The following CRYL1 variants were observed in gnomAD, a reference collection of about 807,000 sequenced individuals.
The protein encoded by CRYL1 is crystallin lambda 1.
In CRYL1, 29 loss-of-function variants were observed where a neutral mutation model predicts 36.6. That is an observed-to-expected ratio of 0.79 (90% confidence interval 0.59 to 1.08). CRYL1 has a LOEUF of 1.08. Among genes scored for constraint, CRYL1 ranks in the 50% least tolerant of loss-of-function variants. The pLI is 0.00. For synonymous variants in CRYL1, 152 were observed against 151.5 expected (o/e 1.00, Z -0.02); for missense variants, 411 against 407.9 (o/e 1.01, Z -0.06).
intron 2 of CRYL1, among the ~76,000 whole-genome samples, chr13:20,498,817 A>C (rs572891929): frequency 6.6e-6 from 1 of 152,352 alleles, no homozygotes; most frequent in South Asian, 2.1e-4. Context: ...GTCTCCTATC[A>C]AAGAGAAAAT....
chr13:20,426,611 G>A, intron 5 of CRYL1: 1 of 776,104 alleles, frequency 1.3e-6, no homozygotes, highest in Non-Finnish European at 1.6e-6. Context: ...GAGACACACA[G>A]AGACACATAC....
At chr13:20,472,474 C>T (rs1593468810) in intron 3 of CRYL1, among the ~76,000 whole-genome samples, 1 of 152,200 alleles carries the variant, frequency 6.6e-6, no homozygotes, top group Non-Finnish European at 1.5e-5. Context: ...GCATCGTAGC[C>T]ATTTCCTCCT....
intron 5 of CRYL1, 81 bp downstream of exon 5, chr13:20,432,021 A>G (rs1380359318): frequency 6.2e-7 from 1 of 1,607,008 alleles, no homozygotes; most frequent in Non-Finnish European, 8.5e-7. Context: ...AACAACTTTC[A>G]CTGTCCTGCT....
At chr13:20,519,717 C>T (rs1316763409) in intron 1 of CRYL1, among the ~76,000 whole-genome samples, 8 of 152,046 alleles carry the variant, frequency 5.3e-5, no homozygotes, top group Admixed American at 1.3e-4. Flanking sequence ...AAAAATTTTA[C>T]AAAACCAGAG....
At chr13:20,455,588 T>C (rs1406595366) in intron 3 of CRYL1, among the ~76,000 whole-genome samples, 2 of 152,012 alleles carry the variant, frequency 1.3e-5, no homozygotes, top group African/African-American at 4.8e-5. Context: ...AAACTCAAGC[T>C]ATACCATAAT....
At chr13:20,456,479 CA>C (rs71074301) in intron 3 of CRYL1, among the ~76,000 whole-genome samples, 34,126 of 98,756 alleles carry the variant, frequency 0.35, 3,891 homozygotes, top group Admixed American at 0.4. Flanking sequence ...CGTCTCAAAA[CA>C]AAAAAAAAAA....
intron 5 of CRYL1, among the ~76,000 whole-genome samples, chr13:20,426,445 C>G (rs111534737): frequency 0.014 from 2,066 of 152,202 alleles, 45 homozygotes; most frequent in African/African-American, 0.047. Context: ...TTTGGTATAA[C>G]CAGAGGTATT....
intron 3 of CRYL1, among the ~76,000 whole-genome samples, chr13:20,449,875 A>G (rs1163630721): frequency 6.6e-6 from 1 of 152,202 alleles, no homozygotes; most frequent in Non-Finnish European, 1.5e-5. Flanking sequence ...ATCTAGGAAT[A>G]CTTCTAACCA....
chr13:20,452,982 CA>C (rs1271987254), intron 3 of CRYL1, among the ~76,000 whole-genome samples: 1 of 152,046 alleles, frequency 6.6e-6, no homozygotes, highest in African/African-American at 2.4e-5. Flanking sequence ...AATGTAAAAA[CA>C]GAATTGAAAG....
intron 3 of CRYL1, 81 bp from the exon 4 acceptor site, chr13:20,439,835 CT>C: frequency 7.6e-7 from 1 of 1,317,254 alleles, no homozygotes; most frequent in African/African-American, 1.5e-5. Context: ...TGTTTCATTC[CT>C]CAAATGAACC....
At chr13:20,510,809 C>A (rs974329088) in intron 2 of CRYL1, among the ~76,000 whole-genome samples, 1 of 151,882 alleles carries the variant, frequency 6.6e-6, no homozygotes, top group Admixed American at 6.6e-5. Context: ...GATAGAGTTT[C>A]ACCATGTTGC....
chr13:20,476,436 A>C (rs7989332), intron 3 of CRYL1, among the ~76,000 whole-genome samples: 114,357 of 151,866 alleles, frequency 0.75, 43,306 homozygotes, highest in African/African-American at 0.81. Context: ...AACCAGACCC[A>C]TAAGAGGTGA....
In CRYL1 at chr13:20,525,033, T is replaced by C. The variant is rs556779631; in HGVS notation, c.41+721A>G. On this transcript the variant is annotated intron_variant, in intron 1 of 7. Coordinates refer to ENST00000298248, the MANE Select transcript of CRYL1 (RefSeq NM_015974.3). The surrounding 1 kb of genome is among the most constrained non-coding windows in gnomAD (Gnocchi z 4.3). ...TAAAAAACAAAAATAGCAAGGATTGTAACCGTAGGGGTGGGGGGCGGGGTG... is the reference window on the plus strand; with the variant it reads ...TAAAAAACAAAAATAGCAAGGATTGCAACCGTAGGGGTGGGGGGCGGGGTG... 2.4e-3 allele frequency among the ~76,000 whole-genome samples: 276 copies of C among 116,906 alleles called. 2 individuals are homozygous for C. Among genetic ancestry groups the C allele is most frequent in the Non-Finnish European group, 3.0e-3 (185 of 60,756 alleles). 76.7% of individuals were successfully genotyped at this position (116,906 alleles called of 152,430 possible).
At chr13:20,407,520 A>G (rs2031408754) in intron 6 of CRYL1, among the ~76,000 whole-genome samples, 1 of 152,132 alleles carries the variant, frequency 6.6e-6, no homozygotes, top group Non-Finnish European at 1.5e-5. Flanking sequence ...TAAAATGCCA[A>G]TTTCTTTGGA....
intron 2 of CRYL1, among the ~76,000 whole-genome samples, chr13:20,509,932 CAAAACAAGAAACAAA>C (rs903427202): frequency 1.2e-4 from 18 of 151,976 alleles, no homozygotes; most frequent in Non-Finnish European, 2.2e-4. Flanking sequence ...TGTCTCAAAA[CAAAACAAGAAACAAA>C]AAAACAAGGA....
chr13:20,488,460 T>C (rs2033443706), intron 3 of CRYL1, among the ~76,000 whole-genome samples: 1 of 152,228 alleles, frequency 6.6e-6, no homozygotes, highest in African/African-American at 2.4e-5. Context: ...AATTGAGAAT[T>C]TAACAATTTT....
chr13:20,478,632 T>C (rs1392735189), intron 3 of CRYL1, among the ~76,000 whole-genome samples: 1 of 151,492 alleles, frequency 6.6e-6, no homozygotes, highest in East Asian at 1.9e-4. Flanking sequence ...TGCACCACCA[T>C]GCCATACTAA....
chr13:20,514,745 T>C (rs1331918973), intron 1 of CRYL1, among the ~76,000 whole-genome samples: 2 of 152,206 alleles, frequency 1.3e-5, no homozygotes, highest in African/African-American at 4.8e-5. Context: ...ATGTTAATAA[T>C]AGGGGAAATT....
chr13:20,479,446 G>C (rs193218238), intron 3 of CRYL1, among the ~76,000 whole-genome samples: 1 of 152,334 alleles, frequency 6.6e-6, no homozygotes, highest in Non-Finnish European at 1.5e-5. Flanking sequence ...GAATGAGATA[G>C]AGGGATGATC....
Sources: gnomAD v4.1 joint callset for allele counts (sites outside exome capture counted in the v4.1 genomes callset) on GRCh38, gnomAD v4.1.1 for gene constraint, Gnocchi (gnomAD v3.1) non-coding constraint, MANE v1.5 for transcripts, NCBI Gene and HGNC (gene_info 2026-07-23, HGNC 2026-07-21) for gene names.